Variants in ATXN1 observed in about 807,000 individuals in gnomAD.
ATXN1 encodes ataxin-1.
A neutral mutation model predicts 56.4 loss-of-function variants in ATXN1; 8 were observed. The observed-to-expected ratio is 0.14, with a 90% CI of 0.08 to 0.26. The LOEUF (loss-of-function observed/expected upper bound fraction) is 0.26, where lower values mean the gene tolerates loss of function less well. Among genes scored for constraint, ATXN1 ranks in the 10% least tolerant of loss-of-function variants. ATXN1 has a pLI of 1.00. For synonymous variants in ATXN1, 514 were observed against 494.6 expected (o/e 1.04, Z -0.52); for missense variants, 987 against 1,106.5 (o/e 0.89, Z 1.53).
chr6:16,395,270 CA>C (rs748314030), intron 6 of ATXN1, among the ~76,000 whole-genome samples: 70 of 48,450 alleles, frequency 1.4e-3, no homozygotes, highest in South Asian at 8.6e-3. Flanking sequence ...AACTCCGTCT[CA>C]AAAAAAAAAA....
intron 3 of ATXN1, among the ~76,000 whole-genome samples, chr6:16,633,647 A>G (rs559055995): frequency 6.6e-6 from 1 of 152,300 alleles, no homozygotes; most frequent in South Asian, 2.1e-4. Context: ...CTGCCAGGGC[A>G]AGGCAGAAGT....
chr6:16,636,820 G>A (rs367871484), intron 3 of ATXN1, among the ~76,000 whole-genome samples: 2 of 152,112 alleles, frequency 1.3e-5, no homozygotes, highest in South Asian at 2.1e-4. Context: ...TACACCTAAC[G>A]ACGGCCTGGG....
intron 6 of ATXN1, among the ~76,000 whole-genome samples, chr6:16,444,669 C>A (rs562802059): frequency 6.6e-6 from 1 of 152,158 alleles, no homozygotes; most frequent in Non-Finnish European, 1.5e-5. Flanking sequence ...AGATAAATTA[C>A]AGATGCAAGG....
chr6:16,450,756 G>A (rs766208415), intron 6 of ATXN1, among the ~76,000 whole-genome samples: 3 of 152,174 alleles, frequency 2.0e-5, no homozygotes, highest in Non-Finnish European at 4.4e-5. Context: ...CTGCTCCAGC[G>A]ACCAAAATCA....
chr6:16,394,961 A>G (rs1270331274), intron 6 of ATXN1, among the ~76,000 whole-genome samples: 2 of 152,226 alleles, frequency 1.3e-5, no homozygotes, highest in Non-Finnish European at 1.5e-5. Context: ...CTTGACAGCC[A>G]AGCGTTCAAC....
intron 3 of ATXN1, among the ~76,000 whole-genome samples, chr6:16,594,667 G>A (rs560730023): frequency 1.3e-5 from 2 of 152,112 alleles, no homozygotes; most frequent in African/African-American, 4.8e-5. Context: ...ATTTTTAGAA[G>A]AGACGAGGTT....
intron 2 of ATXN1, among the ~76,000 whole-genome samples, chr6:16,694,186 G>A (rs1199930194): frequency 6.6e-6 from 1 of 151,126 alleles, no homozygotes; most frequent in South Asian, 2.1e-4. Flanking sequence ...TTAGTATTAT[G>A]CTCCTGAGAA....
intron 6 of ATXN1, among the ~76,000 whole-genome samples, chr6:16,374,138 C>CAA (rs376857810): frequency 0.14 from 11,786 of 85,140 alleles, 795 homozygotes; most frequent in East Asian, 0.38. Flanking sequence ...AGGATATGAG[C>CAA]AAAAAAAAAA....
intron 6 of ATXN1, among the ~76,000 whole-genome samples, chr6:16,341,643 C>T (rs1435823987): frequency 6.6e-6 from 1 of 151,528 alleles, no homozygotes; most frequent in Non-Finnish European, 1.5e-5. Context: ...CTCAGCCTCC[C>T]GAGTGGCTGG....
chr6:16,620,740 G>A (rs574208450), intron 3 of ATXN1, among the ~76,000 whole-genome samples: 258 of 152,334 alleles, frequency 1.7e-3, no homozygotes, highest in African/African-American at 6.1e-3. Flanking sequence ...AGCTGGGTGT[G>A]CAAAGTGCCA....
At chr6:16,397,831 A>G (rs1758486861) in intron 6 of ATXN1, among the ~76,000 whole-genome samples, 1 of 152,224 alleles carries the variant, frequency 6.6e-6, no homozygotes, top group Non-Finnish European at 1.5e-5. Flanking sequence ...TATCTTCAAG[A>G]ACAAAAACGC....
chr6:16,399,927 G>A (rs1758534093), intron 6 of ATXN1, among the ~76,000 whole-genome samples: 1 of 152,132 alleles, frequency 6.6e-6, no homozygotes, highest in Non-Finnish European at 1.5e-5. Flanking sequence ...CTGGGCTCCT[G>A]GAGGACATCC....
At chr6:16,428,793 G>A (rs530580417) in intron 6 of ATXN1, among the ~76,000 whole-genome samples, 7 of 152,206 alleles carry the variant, frequency 4.6e-5, no homozygotes, top group African/African-American at 1.4e-4. Context: ...TCACCAGACC[G>A]ACGTGATGCT....
intron 6 of ATXN1, among the ~76,000 whole-genome samples, chr6:16,412,898 C>T (rs1197057409): frequency 1.3e-5 from 2 of 152,176 alleles, no homozygotes; most frequent in Non-Finnish European, 2.9e-5. Context: ...TTGGCCATGC[C>T]GTGGGGGCTG....
At chr6:16,481,967 AAAAAAAGTATTAGAAAATCCCC>A (rs1405822519) in intron 6 of ATXN1, among the ~76,000 whole-genome samples, 7 of 152,164 alleles carry the variant, frequency 4.6e-5, no homozygotes, top group African/African-American at 1.7e-4. Flanking sequence ...GCAGACTTTT[AAAAAAAGTATTAGAAAATCCCC>A]AAACTCTACT....
At chr6:16,651,284 C>T (rs1763887815) in intron 3 of ATXN1, among the ~76,000 whole-genome samples, 1 of 152,154 alleles carries the variant, frequency 6.6e-6, no homozygotes, top group East Asian at 1.9e-4. Flanking sequence ...GTGGCTCACG[C>T]CTGTAATCCC....
chr6:16,734,917 A>C (rs546371638), intron 2 of ATXN1, among the ~76,000 whole-genome samples: 77 of 152,330 alleles, frequency 5.1e-4, no homozygotes, highest in African/African-American at 1.8e-3. Context: ...ATATGGGTGT[A>C]GAGTTAAAGG....
intron 4 of ATXN1, among the ~76,000 whole-genome samples, chr6:16,559,321 A>G (rs1762072016): frequency 6.6e-6 from 1 of 151,882 alleles, no homozygotes; most frequent in African/African-American, 2.4e-5. Flanking sequence ...CTATTTATAG[A>G]GAGTTGTTCA....
chr6:16,388,613 C>A (rs1252506208), intron 6 of ATXN1, among the ~76,000 whole-genome samples: 1 of 152,208 alleles, frequency 6.6e-6, no homozygotes, highest in African/African-American at 2.4e-5. Context: ...TGATTTCTAT[C>A]AGCATTTTAT....
Sources: allele counts gnomAD v4.1 joint callset (sites outside exome capture counted in the v4.1 genomes callset), GRCh38; gene constraint gnomAD v4.1.1; transcripts MANE v1.5; gene names NCBI Gene and HGNC (gene_info 2026-07-23, HGNC 2026-07-21).